Variants in DNAJC6 observed in about 807,000 individuals in gnomAD.
DNAJC6 encodes DnaJ heat shock protein family (Hsp40) member C6.
In DNAJC6, 34 loss-of-function variants were observed where a neutral mutation model predicts 110.0. That is an observed-to-expected ratio of 0.31 (90% CI 0.24 to 0.41). The LOEUF (loss-of-function observed/expected upper bound fraction) is 0.41, where lower values mean the gene tolerates loss of function less well. Ranked by LOEUF, DNAJC6 falls within the 10% of genes least tolerant of loss-of-function variation. The pLI is 1.00. For synonymous variants in DNAJC6, 406 were observed against 437.2 expected, an observed-to-expected ratio of 0.93 and a Z score of 0.89; for missense variants, 1,031 against 1,207.8, an observed-to-expected ratio of 0.85 and a Z score of 2.17.
chr1:65,384,077 C>G (rs1645847711), intron 5 of DNAJC6, 116 bp from the exon 6 acceptor site: 2 of 1,241,534 alleles, frequency 1.6e-6, no homozygotes, highest in Non-Finnish European at 2.1e-6. Flanking sequence ...TGAAAAGCAC[C>G]CACAGTTAAG....
intron 13 of DNAJC6, among the ~76,000 whole-genome samples, chr1:65,396,467 C>T (rs1645977696): frequency 1.3e-5 from 2 of 152,172 alleles, no homozygotes; most frequent in African/African-American, 2.4e-5. Context: ...TCTCTGCATT[C>T]CAGCTGTACT....
chr1:65,302,118 A>AATACGTAT (rs1204528510), intron 1 of DNAJC6, among the ~76,000 whole-genome samples: 2 of 17,414 alleles, frequency 1.1e-4, no homozygotes, highest in African/African-American at 7.8e-4. Flanking sequence ...ATATATATAT[A>AATACGTAT]TATATAAAAA....
rs530772847 is a variant in DNAJC6 at position 65,354,501 on chromosome 1, G to T, written c.194-10134G>T. 3.0e-3 allele frequency among the ~76,000 whole-genome samples: 464 copies of T among 152,264 alleles called. 2 individuals are homozygous for T. Among genetic ancestry groups the T allele is most frequent in the Middle Eastern group, 0.017 (5 of 294 alleles). On this transcript the variant is annotated intron_variant, in intron 1 of 18. Coordinates refer to ENST00000371069, the MANE Select transcript of DNAJC6 (RefSeq NM_001256864.2). Reference sequence around the variant, plus strand: ...GTATGAGGATGATGATAGTGTTAAAGAATTTTAAAAGTGGAGGGGACTTAG... The same window carrying T: ...GTATGAGGATGATGATAGTGTTAAATAATTTTAAAAGTGGAGGGGACTTAG...
At chr1:65,382,191 C>T (rs907175247) in intron 5 of DNAJC6, among the ~76,000 whole-genome samples, 1 of 152,160 alleles carries the variant, frequency 6.6e-6, no homozygotes, top group Non-Finnish European at 1.5e-5. Flanking sequence ...TTGTTATGAG[C>T]ACATATCAAA....
At chr1:65,335,403 C>T (rs1257703800) in intron 1 of DNAJC6, among the ~76,000 whole-genome samples, 1 of 152,000 alleles carries the variant, frequency 6.6e-6, no homozygotes, top group Non-Finnish European at 1.5e-5. Context: ...CATGAGCCAC[C>T]AGGCCCAGCC....
chr1:65,380,916 GTTTTGTTTTT>G, intron 5 of DNAJC6, among the ~76,000 whole-genome samples: 1 of 93,530 alleles, frequency 1.1e-5, no homozygotes, highest in South Asian at 3.5e-4. Flanking sequence ...TTTTTGTTTT[GTTTTGTTTTT>G]TTTTTTTTTT....
intron 1 of DNAJC6, among the ~76,000 whole-genome samples, chr1:65,320,394 A>G (rs1452978745): frequency 6.6e-6 from 1 of 152,116 alleles, no homozygotes; most frequent in African/African-American, 2.4e-5. Context: ...CCATGTCTAA[A>G]TTAGTTGAGG....
chr1:65,366,046 A>G lies in DNAJC6; in HGVS notation c.395-2A>G. The G allele has an allele frequency of 6.2e-7, 1 of 1,613,768 alleles. No individual in the cohort carries two copies. On this transcript the variant is annotated splice_acceptor_variant, in intron 3 of 18. Coordinates refer to ENST00000371069, the MANE Select transcript of DNAJC6 (RefSeq NM_001256864.2). LOFTEE classifies it high-confidence loss of function. ...TTTCTTTCTGTGTGATCTCTCTCCTAGTGATGTCCTTTCCTCTGGACAATG... is the reference window on the plus strand; with the variant it reads ...TTTCTTTCTGTGTGATCTCTCTCCTGGTGATGTCCTTTCCTCTGGACAATG...
intron 1 of DNAJC6, among the ~76,000 whole-genome samples, chr1:65,340,494 A>C (rs143436626): frequency 1.3e-5 from 2 of 152,320 alleles, no homozygotes; most frequent in Non-Finnish European, 2.9e-5. Flanking sequence ...GGTAAGGAAG[A>C]ATGTGATAGT....
chr1:65,408,361 A>C (rs1435541035), intron 16 of DNAJC6, among the ~76,000 whole-genome samples: 1 of 152,190 alleles, frequency 6.6e-6, no homozygotes, highest in Non-Finnish European at 1.5e-5. Flanking sequence ...GAGTATCCTC[A>C]TCTAAAGAGA....
chr1:65,284,240 G>A (rs574947647), intron 1 of DNAJC6, among the ~76,000 whole-genome samples: 1 of 152,212 alleles, frequency 6.6e-6, no homozygotes, highest in South Asian at 2.1e-4. Flanking sequence ...CTCTCAGAGA[G>A]GACCTTACCA....
At chr1:65,393,598 T>G (rs1210947713) in intron 12 of DNAJC6, among the ~76,000 whole-genome samples, 1 of 152,060 alleles carries the variant, frequency 6.6e-6, no homozygotes, top group Non-Finnish European at 1.5e-5. Flanking sequence ...ACTGTCTCAT[T>G]GCCAGAGACT....
chr1:65,364,707 G>A lies in DNAJC6; in HGVS notation c.266G>A (p.Arg89Lys), dbSNP rs1645629564. ...LFDMVKGGAG[R>K]LFSNLKDNLK... is the part of the protein sequence containing the mutation. ...GACATGGTAAAAGGAGGTGCAGGGA[G>A]GCTCTTTAGTAACCTAAAGGACAAC... The change falls in exon 2 of 19, where the codon AGG becomes AAG. Residue 89 changes from arginine to lysine, a missense_variant. Coordinates refer to ENST00000371069, the MANE Select transcript of DNAJC6 (RefSeq NM_001256864.2). The A allele has an allele frequency of 6.2e-7, 1 of 1,613,114 alleles. No homozygotes were observed. Among genetic ancestry groups the A allele is most frequent in the Non-Finnish European group, 8.5e-7 (1 of 1,179,600 alleles).
intron 1 of DNAJC6, among the ~76,000 whole-genome samples, chr1:65,331,547 A>G (rs1183741852): frequency 1.3e-5 from 2 of 152,216 alleles, no homozygotes; most frequent in Non-Finnish European, 2.9e-5. Flanking sequence ...CCACCTGTTT[A>G]TCTTAGTGCA....
At chr1:65,302,496 C>A (rs1348848935) in intron 1 of DNAJC6, among the ~76,000 whole-genome samples, 1 of 145,804 alleles carries the variant, frequency 6.9e-6, no homozygotes, top group African/African-American at 2.5e-5. Context: ...TTGCCTCCCC[C>A]TTAACCCCCT....
At chr1:65,341,334 T>C (rs1324214112) in intron 1 of DNAJC6, among the ~76,000 whole-genome samples, 5 of 152,176 alleles carry the variant, frequency 3.3e-5, no homozygotes, top group African/African-American at 1.2e-4. Flanking sequence ...GAGGACACAT[T>C]GTTCATGATG....
chr1:65,347,075 G>GA (rs1276114984), intron 1 of DNAJC6, among the ~76,000 whole-genome samples: 2 of 151,768 alleles, frequency 1.3e-5, no homozygotes, highest in Non-Finnish European at 1.5e-5. Context: ...AGATATGAGA[G>GA]AAAAAATACT....
rs146050826 is a variant in DNAJC6, at chr1:65,385,740, G to C, written c.829G>C (p.Ala277Pro). The change falls in exon 7 of 19, where the codon GCA becomes CCA. Residue 277 changes from alanine to proline, a missense_variant. Coordinates refer to ENST00000371069, the MANE Select transcript of DNAJC6 (RefSeq NM_001256864.2). ...RYLGYMCDLL[A>P]DKPYRPHFKP... Reference sequence around the variant, plus strand: ...CCTGGGCTATATGTGTGACCTACTGGCAGACAAGCCCTACCGCCCTCACTT... The same window carrying C: ...CCTGGGCTATATGTGTGACCTACTGCCAGACAAGCCCTACCGCCCTCACTT... The C allele has an allele frequency of 1.2e-6, 2 of 1,611,752 alleles. No homozygotes were observed. Among genetic ancestry groups the C allele is most frequent in the Non-Finnish European group, 1.7e-6 (2 of 1,178,312 alleles).
chr1:65,289,902 C>T (rs192440245), intron 1 of DNAJC6, among the ~76,000 whole-genome samples: 9 of 151,306 alleles, frequency 5.9e-5, no homozygotes, highest in Admixed American at 2.0e-4. Flanking sequence ...CTCCACCTTT[C>T]GGGTTCAAGC....
Sources: allele counts gnomAD v4.1 joint callset (sites outside exome capture counted in the v4.1 genomes callset), GRCh38; gene constraint gnomAD v4.1.1; transcripts MANE v1.5; gene names NCBI Gene and HGNC (gene_info 2026-07-23, HGNC 2026-07-21).